Variants in RHBDL3 observed in about 807,000 individuals in gnomAD.
RHBDL3 encodes the protein rhomboid like 3.
Under a neutral mutation model 48.2 loss-of-function variants are expected in RHBDL3, and 28 were observed. That is an observed-to-expected ratio of 0.58 (90% CI 0.43 to 0.80). RHBDL3 has a LOEUF of 0.80. Among genes scored for constraint, RHBDL3 ranks in the 30% least tolerant of loss-of-function variants. RHBDL3 has a pLI of 0.00. For missense variants in RHBDL3, 464 were observed against 542.7 expected, an observed-to-expected ratio of 0.85 and a Z score of 1.44; for synonymous variants, 208 against 232.3, an observed-to-expected ratio of 0.90 and a Z score of 0.95.
At chr17:32,300,568 G>GA (rs1490896944) in intron 6 of RHBDL3, among the ~76,000 whole-genome samples, 2 of 151,876 alleles carry the variant, frequency 1.3e-5, no homozygotes, top group East Asian at 1.9e-4. Context: ...AAGAAAAAAA[G>GA]AAAAAAACCA....
intron 8 of RHBDL3, 31 bp from the exon 9 acceptor site, chr17:32,320,927 T>A (rs1458913603): frequency 6.4e-7 from 1 of 1,571,306 alleles, no homozygotes; most frequent in Non-Finnish European, 8.7e-7. Context: ...AGGGCCCTCC[T>A]GTGACATCTC....
At chr17:32,320,843 A>C in intron 8 of RHBDL3, 115 bp from the exon 9 acceptor site, 2 of 721,556 alleles carry the variant, frequency 2.8e-6, no homozygotes, top group South Asian at 1.7e-5. Context: ...TCCCCAGTGC[A>C]GAGAATGGTG....
intron 7 of RHBDL3, among the ~76,000 whole-genome samples, chr17:32,312,347 A>G (rs2040863967): frequency 6.6e-6 from 1 of 152,090 alleles, no homozygotes; most frequent in East Asian, 1.9e-4. Flanking sequence ...AGGTGGGAGG[A>G]TCACTTGAGC....
intron 2 of RHBDL3, 138 bp from the exon 3 acceptor site, chr17:32,284,521 G>A: frequency 1.3e-6 from 1 of 757,276 alleles, no homozygotes. Context: ...GGGGTCCTTG[G>A]AAATCTCCCA....
At chr17:32,307,062 T>G (rs914704280) in intron 7 of RHBDL3, among the ~76,000 whole-genome samples, 5 of 152,194 alleles carry the variant, frequency 3.3e-5, no homozygotes, top group African/African-American at 1.2e-4. Flanking sequence ...GACAAAGCCT[T>G]GAAGGCCAGA....
intron 3 of RHBDL3, among the ~76,000 whole-genome samples, chr17:32,286,182 A>ACAGCCC (rs1206346771): frequency 1.3e-5 from 2 of 152,212 alleles, no homozygotes; most frequent in African/African-American, 2.4e-5. Context: ...ATCCACAGCC[A>ACAGCCC]CAGCCCCAGC....
At chr17:32,273,395 C>T (rs536269557) in intron 2 of RHBDL3, among the ~76,000 whole-genome samples, 7 of 152,338 alleles carry the variant, frequency 4.6e-5, no homozygotes, top group South Asian at 4.1e-4. Flanking sequence ...AGATCCCAAC[C>T]CTGCTTTCTA....
At chr17:32,309,408 T>G (rs1014087308) in intron 7 of RHBDL3, among the ~76,000 whole-genome samples, 1 of 151,562 alleles carries the variant, frequency 6.6e-6, no homozygotes, top group African/African-American at 2.4e-5. Flanking sequence ...CAAAATTAGC[T>G]GGGTGTGGTG....
At chr17:32,312,634 C>T (rs562938287) in intron 7 of RHBDL3, among the ~76,000 whole-genome samples, 1 of 152,176 alleles carries the variant, frequency 6.6e-6, no homozygotes, top group African/African-American at 2.4e-5. Flanking sequence ...TCTTGTGCCT[C>T]AGCCTCCAGA....
At chr17:32,313,751 CTTTTT>C (rs559422433) in intron 7 of RHBDL3, among the ~76,000 whole-genome samples, 1 of 98,628 alleles carries the variant, frequency 1.0e-5, no homozygotes, top group Non-Finnish European at 1.9e-5. Flanking sequence ...AATTCCCTCC[CTTTTT>C]TTTTTTTTTT....
chr17:32,273,450 CT>C (rs2039823410), intron 2 of RHBDL3, among the ~76,000 whole-genome samples: 1 of 152,222 alleles, frequency 6.6e-6, no homozygotes, highest in South Asian at 2.1e-4. Context: ...TAGTTGGTGC[CT>C]TGAGTAACCA....
At chr17:32,290,063 C>T (rs1228423131) in intron 4 of RHBDL3, among the ~76,000 whole-genome samples, 1 of 152,130 alleles carries the variant, frequency 6.6e-6, no homozygotes, top group African/African-American at 2.4e-5. Flanking sequence ...CTGTTTGAGG[C>T]CCAATAATAA....
chr17:32,270,973 A>C (rs1287519221), intron 2 of RHBDL3, among the ~76,000 whole-genome samples: 1 of 152,208 alleles, frequency 6.6e-6, no homozygotes, highest in Non-Finnish European at 1.5e-5. Context: ...AGGTGGGCAG[A>C]TCGCTTGAGC....
chr17:32,309,993 C>T (rs1037103642), intron 7 of RHBDL3, among the ~76,000 whole-genome samples: 2 of 151,808 alleles, frequency 1.3e-5, no homozygotes, highest in African/African-American at 4.8e-5. Context: ...AAGTGATCCA[C>T]CCACCTCAGC....
At chr17:32,269,040 C>A (rs552614126) in intron 2 of RHBDL3, among the ~76,000 whole-genome samples, 6 of 152,086 alleles carry the variant, frequency 3.9e-5, no homozygotes, top group African/African-American at 1.5e-4. Context: ...AGATTCTGAA[C>A]CTAGGAGGGA....
rs754586091 is a variant in RHBDL3, at chr17:32,321,322, C to T, written c.*93C>T. ...CTTCTCATCACCAGCTCAGCTAGGC[C>T]GGGCAGACAAGGACAGAAGACTCTG... On this transcript the variant is annotated 3_prime_UTR_variant, in exon 9 of 9. Coordinates refer to ENST00000269051, the MANE Select transcript of RHBDL3 (RefSeq NM_138328.3). 16 of 1,582,212 alleles carry T rather than the reference C, an allele frequency of 1.0e-5. No homozygotes were observed. The highest frequency in any genetic ancestry group is 1.8e-5 in the Admixed American group (1 of 55,246).
intron 3 of RHBDL3, 79 bp from the exon 4 acceptor site, chr17:32,288,713 A>G (rs2040253965): frequency 9.6e-7 from 1 of 1,041,702 alleles, no homozygotes; most frequent in South Asian, 1.5e-5. Flanking sequence ...TGGTGCAAGG[A>G]ACATGCTGGC....
chr17:32,312,564 C>A (rs982523369), intron 7 of RHBDL3, among the ~76,000 whole-genome samples: 1 of 152,174 alleles, frequency 6.6e-6, no homozygotes, highest in Non-Finnish European at 1.5e-5. Context: ...TTTGCCCAGG[C>A]TGGAGTACAG....
At chr17:32,300,694 T>C (rs769897224) in intron 6 of RHBDL3, among the ~76,000 whole-genome samples, 11 of 152,214 alleles carry the variant, frequency 7.2e-5, no homozygotes, top group Non-Finnish European at 1.3e-4. Flanking sequence ...ATATACATGC[T>C]CCAGGCATAT....
Sources: gnomAD v4.1 joint callset for allele counts (sites outside exome capture counted in the v4.1 genomes callset) on GRCh38, gnomAD v4.1.1 for gene constraint, MANE v1.5 for transcripts, NCBI Gene and HGNC (gene_info 2026-07-23, HGNC 2026-07-21) for gene names.